Variants in NLGN4X observed in about 807,000 individuals in gnomAD.
NLGN4X encodes neuroligin-4, X-linked.
In NLGN4X, 3 loss-of-function variants were observed where a neutral mutation model predicts 40.3. The observed-to-expected ratio is 0.07, with a 90% CI of 0.03 to 0.19. The LOEUF (loss-of-function observed/expected upper bound fraction) is 0.19. NLGN4X is among the 10% of genes least tolerant of loss of function. NLGN4X has a pLI of 1.00. For synonymous variants in NLGN4X, 270 were observed against 306.8 expected, an observed-to-expected ratio of 0.88 and a Z score of 1.25; for missense variants, 382 against 708.3, an observed-to-expected ratio of 0.54 and a Z score of 5.23.
At chrX:5,984,920 A>C (rs1488407127) in intron 3 of NLGN4X, among the ~76,000 whole-genome samples, 1 of 112,267 alleles carries the variant, frequency 8.9e-6, no homozygotes, top group East Asian at 2.8e-4. Context: ...TAGGAGGTAC[A>C]AAAAGTAATG....
At chrX:6,040,649 C>T (rs1289665196) in intron 2 of NLGN4X, among the ~76,000 whole-genome samples, 1 of 111,805 alleles carries the variant, frequency 8.9e-6, no homozygotes, top group East Asian at 2.8e-4. Flanking sequence ...AGAACAGTTC[C>T]ATTTTCAGCT....
intron 2 of NLGN4X, among the ~76,000 whole-genome samples, chrX:6,110,933 G>A (rs1050960554): frequency 8.1e-5 from 9 of 111,443 alleles, no homozygotes; most frequent in African/African-American, 2.3e-4. Context: ...TGACAGGTGC[G>A]TTACTGAAAG....
At chrX:5,995,191 C>A (rs1238767916) in intron 3 of NLGN4X, among the ~76,000 whole-genome samples, 2 of 112,156 alleles carry the variant, frequency 1.8e-5, no homozygotes, top group Non-Finnish European at 3.8e-5. Context: ...GTATGCAAAT[C>A]CTATTTAAGA....
chrX:6,146,824 T>C (rs935360756), intron 2 of NLGN4X, among the ~76,000 whole-genome samples: 3 of 111,336 alleles, frequency 2.7e-5, no homozygotes, highest in African/African-American at 9.8e-5. Context: ...TCTCACTCTG[T>C]TGCCCAGGCT....
chrX:5,987,428 T>C (rs1313441791), intron 3 of NLGN4X, among the ~76,000 whole-genome samples: 1 of 112,937 alleles, frequency 8.9e-6, no homozygotes, highest in East Asian at 2.8e-4. Context: ...CTATATTTCT[T>C]CACATGGGTG....
At chrX:6,176,436 G>T (rs1378806220) in intron 1 of NLGN4X, among the ~76,000 whole-genome samples, 2 of 112,312 alleles carry the variant, frequency 1.8e-5, no homozygotes, top group African/African-American at 6.5e-5. Flanking sequence ...GTTAATACAA[G>T]AACTTGTGAC....
At chrX:5,979,760 A>G (rs199929424) in intron 3 of NLGN4X, among the ~76,000 whole-genome samples, 2 of 98,364 alleles carry the variant, frequency 2.0e-5, no homozygotes, top group Non-Finnish European at 3.9e-5. Flanking sequence ...ATATATGTGT[A>G]TATATACACA....
At chrX:6,045,330 C>T (rs1003386550) in intron 2 of NLGN4X, among the ~76,000 whole-genome samples, 1 of 112,354 alleles carries the variant, frequency 8.9e-6, no homozygotes, top group Non-Finnish European at 1.9e-5. Flanking sequence ...CCCCCAAGCA[C>T]AGAAAATCCT....
At chrX:5,984,903 A>T (rs994377144) in intron 3 of NLGN4X, among the ~76,000 whole-genome samples, 3 of 112,393 alleles carry the variant, frequency 2.7e-5, no homozygotes, top group African/African-American at 9.7e-5. Context: ...ATAATCACAG[A>T]TAAAAGTAGG....
rs2031968875 is a variant in NLGN4X, at chrX:5,903,072, C to T, written c.1601+5G>A. On this transcript the variant is annotated splice_donor_5th_base_variant and intron_variant, in intron 5 of 5. Transcript: ENST00000381095. The stretch of plus-strand genomic sequence containing the variant: ...AGTGATACCCCAACACGAAGATGAA[C>T]GTACCCAGTTTTGGCGAAGTTCGTC... The T allele has an allele frequency of 5.8e-6, 7 of 1,211,646 alleles. No homozygotes were observed. The highest frequency in any genetic ancestry group is 1.8e-5 in the South Asian group (1 of 56,991).
intron 3 of NLGN4X, among the ~76,000 whole-genome samples, chrX:5,927,103 T>C (rs2033363772): frequency 8.9e-6 from 1 of 111,772 alleles, no homozygotes; most frequent in Admixed American, 9.6e-5. Flanking sequence ...AAGATTTTTC[T>C]TCTGTATGAT....
chrX:6,168,054 T>C (rs1300168537), intron 1 of NLGN4X, among the ~76,000 whole-genome samples: 1 of 112,394 alleles, frequency 8.9e-6, no homozygotes, highest in Admixed American at 9.5e-5. Context: ...TGGCTATTTC[T>C]AGACCTCCTA....
intron 3 of NLGN4X, among the ~76,000 whole-genome samples, chrX:6,021,355 A>G (rs180794589): frequency 1.4e-3 from 156 of 110,151 alleles, no homozygotes; most frequent in African/African-American, 4.8e-3. Context: ...CAACTATTAC[A>G]TCAATGGCAC....
intron 1 of NLGN4X, chrX:6,226,569 C>G (rs186287582): frequency 0.025 from 2,746 of 111,791 alleles, 40 homozygotes; most frequent in Middle Eastern, 0.042. Flanking sequence ...GCACTGGGCC[C>G]GGATACCGGG....
chrX:6,187,211 CAG>C (rs1922106637), intron 1 of NLGN4X, among the ~76,000 whole-genome samples: 1 of 105,290 alleles, frequency 9.5e-6, no homozygotes, highest in Non-Finnish European at 1.9e-5. Flanking sequence ...GCTGGGATTA[CAG>C]GTTTGAGCCA....
At chrX:5,907,676 T>C (rs1354303252) in intron 4 of NLGN4X, among the ~76,000 whole-genome samples, 3 of 109,973 alleles carry the variant, frequency 2.7e-5, no homozygotes, top group African/African-American at 9.9e-5. Context: ...CAGGGAGGGT[T>C]TGGAGCTCCC....
chrX:5,918,922 T>C (rs1211023742), intron 3 of NLGN4X, among the ~76,000 whole-genome samples: 1 of 112,170 alleles, frequency 8.9e-6, no homozygotes, highest in African/African-American at 3.2e-5. Flanking sequence ...CAGAGTTCCA[T>C]TATATCTCTT....
At chrX:6,138,506 G>C (rs1352566433) in intron 2 of NLGN4X, among the ~76,000 whole-genome samples, 1 of 111,365 alleles carries the variant, frequency 9.0e-6, no homozygotes, top group East Asian at 2.8e-4. Flanking sequence ...TATCGGTCAG[G>C]TTCAAAAAAA....
At chrX:6,218,508 A>ACACACC (rs1925301087) in intron 1 of NLGN4X, among the ~76,000 whole-genome samples, 1 of 109,552 alleles carries the variant, frequency 9.1e-6, no homozygotes, top group African/African-American at 3.3e-5. Flanking sequence ...ACACACACAC[A>ACACACC]CCAGAAGAAA....
Sources: allele counts gnomAD v4.1 joint callset (sites outside exome capture counted in the v4.1 genomes callset), GRCh38; gene constraint gnomAD v4.1.1; transcripts MANE v1.5; gene names NCBI Gene and HGNC (gene_info 2026-07-23, HGNC 2026-07-21).